The following CELF2 variants were observed in gnomAD, a reference collection of about 807,000 sequenced individuals.
CELF2 encodes CUG triplet repeat RNA-binding protein 2.
Under a neutral mutation model 62.6 loss-of-function variants are expected in CELF2, and 8 were observed. The ratio of observed to expected loss-of-function variants is 0.13; its 90% CI spans 0.07 to 0.23. The LOEUF is 0.23. Among genes scored for constraint, CELF2 ranks in the 10% least tolerant of loss-of-function variants. CELF2 has a pLI of 1.00. For synonymous variants in CELF2, 258 were observed against 250.0 expected, an observed-to-expected ratio of 1.03 and a Z score of -0.30; for missense variants, 333 against 671.0, an observed-to-expected ratio of 0.50 and a Z score of 5.56.
the CELF2 span, among the ~76,000 whole-genome samples, chr10:10,657,511 T>C: frequency 6.6e-6 from 1 of 152,284 alleles, no homozygotes; most frequent in East Asian, 1.9e-4. Flanking sequence ...TAAAGCTGTT[T>C]TCTTTTTAAG....
chr10:11,096,225 T>C (rs1395095448), intron 1 of CELF2: 3 of 152,246 alleles, frequency 2.0e-5, no homozygotes, highest in African/African-American at 7.2e-5. Flanking sequence ...AGAAGTGCTA[T>C]GTTATGAATG....
the CELF2 span, among the ~76,000 whole-genome samples, chr10:10,470,474 T>C: frequency 6.6e-6 from 1 of 151,752 alleles, no homozygotes; most frequent in African/African-American, 2.4e-5. Flanking sequence ...TCCATTTTCT[T>C]AGGGTTGTAG....
In CELF2 at chr10:11,243,985, G is replaced by A. The variant is rs533498382; in HGVS notation, c.355-5168G>A. ...CACACAGTAGGTAGATTGAATTAGC[G>A]ACCACCACATCACCTGGGCCCTCCC... On this transcript the variant is annotated intron_variant, in intron 3 of 12. Coordinates refer to ENST00000633077, the MANE Select transcript of CELF2 (RefSeq NM_001326342.2). This position sits in a 1 kb window ranked among gnomAD's most constrained non-coding sequence, Gnocchi z 4.1. 7.2e-5 allele frequency among the ~76,000 whole-genome samples: 11 copies of A among 152,260 alleles called. No individual in the cohort carries two copies. The highest frequency in any genetic ancestry group is 3.3e-4 in the Admixed American group (5 of 15,294).
the CELF2 span, among the ~76,000 whole-genome samples, chr10:10,696,581 G>A: frequency 6.6e-6 from 1 of 151,998 alleles, no homozygotes; most frequent in Non-Finnish European, 1.5e-5. Context: ...CCTGGGCAAT[G>A]GCGGGCGCCC....
Position 11,084,762 on chromosome 10 carries a change from C to T in CELF2, c.74+66599C>T, listed in dbSNP as rs373224259. Among the ~76,000 whole-genome samples the T allele has an allele frequency of 1.5e-4, 23 of 150,610 alleles. 1 individual carries two copies. The highest frequency in any genetic ancestry group is 8.8e-5 in the Non-Finnish European group (6 of 67,900). ...GGAAAGAGAATAAAAGAAAAAAAAACCCACGGTCTCATTTTCTAAGGTCTG... is the reference window on the plus strand; with the variant it reads ...GGAAAGAGAATAAAAGAAAAAAAAATCCACGGTCTCATTTTCTAAGGTCTG... On this transcript the variant is annotated intron_variant, in intron 1 of 12. Coordinates refer to ENST00000633077, the MANE Select transcript of CELF2 (RefSeq NM_001326342.2).
the CELF2 span, among the ~76,000 whole-genome samples, chr10:10,582,214 C>T: frequency 6.6e-6 from 1 of 152,182 alleles, no homozygotes; most frequent in African/African-American, 2.4e-5. Context: ...TGAATCCCTG[C>T]TCAGGGGATA....
At chr10:11,067,963 T>C (rs1314178883) in intron 1 of CELF2, among the ~76,000 whole-genome samples, 2 of 152,226 alleles carry the variant, frequency 1.3e-5, no homozygotes, top group Non-Finnish European at 2.9e-5. Flanking sequence ...TCCTTCACTG[T>C]TGTCAAGGAT....
At chr10:10,888,892 G>A (rs1283829281) in intron 1 of CELF2, among the ~76,000 whole-genome samples, 1 of 152,146 alleles carries the variant, frequency 6.6e-6, no homozygotes, top group Non-Finnish European at 1.5e-5. Context: ...TCCCCCAGTA[G>A]TTCATAGGCT....
At chr10:11,111,132 G>T (rs2055049431) in intron 1 of CELF2, among the ~76,000 whole-genome samples, 1 of 152,148 alleles carries the variant, frequency 6.6e-6, no homozygotes, top group Non-Finnish European at 1.5e-5. Flanking sequence ...ATAATATGTG[G>T]CATTTATTAA....
intron 1 of CELF2, among the ~76,000 whole-genome samples, chr10:10,871,795 A>G (rs1256077611): frequency 1.3e-5 from 2 of 152,154 alleles, no homozygotes; most frequent in Non-Finnish European, 2.9e-5. Flanking sequence ...TGGGAGCTGA[A>G]GGAGAGAGGA....
intron 1 of CELF2, among the ~76,000 whole-genome samples, chr10:11,094,684 G>A (rs2049291895): frequency 6.6e-6 from 1 of 152,188 alleles, no homozygotes; most frequent in Admixed American, 6.5e-5. Flanking sequence ...TAAGCACTCT[G>A]GGAAAAAGAC....
intron 9 of CELF2, among the ~76,000 whole-genome samples, chr10:11,310,338 T>C (rs2094495874): frequency 6.6e-6 from 1 of 152,190 alleles, no homozygotes; most frequent in Non-Finnish European, 1.5e-5. Flanking sequence ...GAGCTTCCTT[T>C]ATGCTGAGCT....
the CELF2 span, among the ~76,000 whole-genome samples, chr10:10,720,548 G>C: frequency 6.6e-6 from 1 of 152,130 alleles, no homozygotes; most frequent in Non-Finnish European, 1.5e-5. Flanking sequence ...CAGAATCTGG[G>C]GAGCAAGGAT....
chr10:10,805,050 C>T (rs994059529), intron 1 of CELF2, among the ~76,000 whole-genome samples: 3 of 152,202 alleles, frequency 2.0e-5, no homozygotes, highest in African/African-American at 7.2e-5. Context: ...TGATAATATA[C>T]AAGAATTATC....
intron 1 of CELF2, among the ~76,000 whole-genome samples, chr10:10,799,084 G>A (rs956127174): frequency 3.3e-5 from 5 of 152,156 alleles, no homozygotes; most frequent in Non-Finnish European, 7.3e-5. Flanking sequence ...AATGACACCA[G>A]CTGACTCGCT....
chr10:11,296,789 T>C lies in CELF2; in HGVS notation c.976+8237T>C, dbSNP rs1480647147. 6.6e-6 allele frequency among the ~76,000 whole-genome samples: 1 copy of C among 152,120 alleles called. No homozygotes were observed. The highest frequency in any genetic ancestry group is 1.5e-5 in the Non-Finnish European group (1 of 68,018). On this transcript the variant is annotated intron_variant, in intron 9 of 12. Coordinates refer to ENST00000633077, the MANE Select transcript of CELF2 (RefSeq NM_001326342.2). This position sits in a 1 kb window ranked among gnomAD's most constrained non-coding sequence, Gnocchi z 5.0. The stretch of plus-strand genomic sequence containing the variant: ...CCCAAGGAAGTAAGGGAAATTTTAG[T>C]AGAAGAGTTGACATTTGAGCCAAAA...
rs368439197 is a variant in CELF2, at chr10:11,192,958, C to G, written c.272-24467C>G. On this transcript the variant is annotated intron_variant, in intron 2 of 12. Transcript: ENST00000633077. ...CTCTGGTAAATTTCGTTTGGTGTTACTCTCATTACATTCTCCACTGACTTT... is the reference window on the plus strand; with the variant it reads ...CTCTGGTAAATTTCGTTTGGTGTTAGTCTCATTACATTCTCCACTGACTTT... 1.2e-4 allele frequency among the ~76,000 whole-genome samples: 18 copies of G among 152,322 alleles called. 1 individual carries two copies. Among genetic ancestry groups the G allele is most frequent in the African/African-American group, 4.3e-4 (18 of 41,562 alleles).
the CELF2 span, among the ~76,000 whole-genome samples, chr10:10,539,181 A>C: frequency 0.1 from 15,504 of 152,264 alleles, 834 homozygotes; most frequent in Middle Eastern, 0.21. Flanking sequence ...TGAGATTTAG[A>C]GATGGTTTTG....
chr10:10,825,749 C>A (rs1177205815), intron 1 of CELF2, among the ~76,000 whole-genome samples: 1 of 152,180 alleles, frequency 6.6e-6, no homozygotes, highest in Non-Finnish European at 1.5e-5. Context: ...TGTGTCCCCA[C>A]CTGCCTAGAG....
Sources: gnomAD v4.1 joint callset for allele counts (sites outside exome capture counted in the v4.1 genomes callset) on GRCh38, gnomAD v4.1.1 for gene constraint, Gnocchi (gnomAD v3.1) non-coding constraint, MANE v1.5 for transcripts, NCBI Gene and HGNC (gene_info 2026-07-23, HGNC 2026-07-21) for gene names.